Variants in SPATA22 observed in about 807,000 individuals in gnomAD.
SPATA22 encodes spermatogenesis associated 22.
A neutral mutation model predicts 47.8 loss-of-function variants in SPATA22; 29 were observed. The ratio of observed to expected loss-of-function variants is 0.61; its 90% CI spans 0.45 to 0.83. SPATA22 has a LOEUF of 0.83. Ranked by LOEUF, SPATA22 falls within the 40% of genes least tolerant of loss-of-function variation. SPATA22 has a pLI of 0.00. For missense variants in SPATA22, 410 were observed against 421.7 expected, an observed-to-expected ratio of 0.97 and a Z score of 0.24; for synonymous variants, 133 against 140.9, an observed-to-expected ratio of 0.94 and a Z score of 0.40.
At chr17:3,472,482 C>A (rs113336267), upstream of SPATA22, 1,206 of 152,470 alleles carry the variant, frequency 7.9e-3, 6 homozygotes, top group Non-Finnish European at 0.012. Context: ...TTACTGAACA[C>A]CCTCTGGACC....
chr17:3,504,336 C>T (rs2074021574), intron 1 of SPATA22, among the ~76,000 whole-genome samples: 2 of 152,060 alleles, frequency 1.3e-5, no homozygotes, highest in Admixed American at 6.6e-5. Flanking sequence ...CTCAAACATC[C>T]CTTCTCTACT....
intron 5 of SPATA22, among the ~76,000 whole-genome samples, chr17:3,454,428 T>C (rs2072937163): frequency 6.6e-6 from 1 of 152,092 alleles, no homozygotes; most frequent in Non-Finnish European, 1.5e-5. Flanking sequence ...TAGGTATATC[T>C]CCTAATGCTA....
At chr17:3,502,021 C>T (rs1297021622) in intron 1 of SPATA22, 1 of 151,986 alleles carries the variant, frequency 6.6e-6, no homozygotes, top group Non-Finnish European at 1.5e-5. Flanking sequence ...TTTCATGCTA[C>T]AGAGAAATCT....
At chr17:3,494,564 C>T in intron 1 of SPATA22, 1 of 922,590 alleles carries the variant, frequency 1.1e-6, no homozygotes, top group East Asian at 2.5e-5. Context: ...CCATTTGATG[C>T]TCTCATTAGA....
At chr17:3,477,743 C>A (rs562267301) in intron 1 of SPATA22, among the ~76,000 whole-genome samples, 6 of 152,202 alleles carry the variant, frequency 3.9e-5, no homozygotes, top group African/African-American at 1.4e-4. Flanking sequence ...CATGAGCCAC[C>A]GCGCTGGGCC....
intron 5 of SPATA22, among the ~76,000 whole-genome samples, chr17:3,458,734 G>A (rs913943388): frequency 6.6e-6 from 1 of 151,596 alleles, no homozygotes; most frequent in Non-Finnish European, 1.5e-5. Context: ...CCAGTTACTC[G>A]AGAGGCTGAG....
chr17:3,477,867 G>C (rs374179184), intron 1 of SPATA22, among the ~76,000 whole-genome samples: 2 of 152,202 alleles, frequency 1.3e-5, no homozygotes, highest in African/African-American at 2.4e-5. Flanking sequence ...CCCTCAAGGA[G>C]TTGGTAGACT....
At chr17:3,475,702 C>T (rs543807642), upstream of SPATA22, 11 of 179,384 alleles carry the variant, frequency 6.1e-5, no homozygotes, top group South Asian at 1.1e-3. Context: ...TTGAAATGCC[C>T]GTGGAAATAC....
intron 5 of SPATA22, among the ~76,000 whole-genome samples, chr17:3,452,569 A>C (rs1396465823): frequency 6.6e-6 from 1 of 152,106 alleles, no homozygotes; most frequent in Non-Finnish European, 1.5e-5. Flanking sequence ...CCAGCCTGGC[A>C]ACAGAGTGAG....
rs1006784102 is a variant in SPATA22 at position 3,455,209 on chromosome 17, G to A, written c.330-6060C>T. Among the ~76,000 whole-genome samples the A allele has an allele frequency of 3.3e-4, 50 of 152,108 alleles. 1 individual carries two copies. The Middle Eastern group carries it at 0.017, about 52-fold the overall frequency. ...TCTGGATATTAGCCCTTTGTCAGAT[G>A]AGCAGGTTGCGAAAATTTTCTCCCA... On this transcript the variant is annotated intron_variant, in intron 5 of 8. Coordinates refer to ENST00000572969, the MANE Select transcript of SPATA22 (RefSeq NM_001170698.2).
At chr17:3,442,889 A>G (rs527645791) in intron 8 of SPATA22, among the ~76,000 whole-genome samples, 1 of 152,038 alleles carries the variant, frequency 6.6e-6, no homozygotes, top group Admixed American at 6.6e-5. Flanking sequence ...GCCATTCACC[A>G]TATCACAGTG....
At chr17:3,464,329 A>G (rs1354225356) in intron 3 of SPATA22, among the ~76,000 whole-genome samples, 6 of 151,316 alleles carry the variant, frequency 4.0e-5, no homozygotes, top group Admixed American at 3.9e-4. Context: ...TCGGCTCGCT[A>G]CAACCTCCAC....
intron 2 of SPATA22, 104 bp from the exon 3 acceptor site, chr17:3,467,658 A>G (rs1348654907): frequency 3.9e-6 from 3 of 778,368 alleles, no homozygotes; most frequent in African/African-American, 3.6e-5. Flanking sequence ...ATCTACTTCT[A>G]TATGCTAATA....
intron 3 of SPATA22, among the ~76,000 whole-genome samples, chr17:3,464,549 G>A (rs148500229): frequency 0.2 from 27,292 of 133,214 alleles, 3,292 homozygotes; most frequent in Middle Eastern, 0.34. Context: ...GCCTCTTCCC[G>A]GCCGCCATCC....
At chr17:3,440,610 G>C (rs560651754) in intron 8 of SPATA22, 1 of 251,160 alleles carries the variant, frequency 4.0e-6, no homozygotes, top group Non-Finnish European at 7.6e-6. Flanking sequence ...AATGACACAT[G>C]AAATTACCCA....
chr17:3,462,918 C>A, intron 3 of SPATA22, 151 bp from the exon 4 acceptor site: 1 of 627,272 alleles, frequency 1.6e-6, no homozygotes. Context: ...GTTGGAAAAC[C>A]TGTCACAGCC....
intron 2 of SPATA22, 151 bp from the exon 3 acceptor site, chr17:3,467,705 C>A (rs1038951778): frequency 4.7e-6 from 3 of 632,516 alleles, no homozygotes; most frequent in Non-Finnish European, 6.9e-6. Flanking sequence ...ATGATTTTTA[C>A]ATTCTTTTTA....
At chr17:3,493,517 C>T (rs751017243) in intron 1 of SPATA22, among the ~76,000 whole-genome samples, 3 of 141,450 alleles carry the variant, frequency 2.1e-5, no homozygotes, top group Admixed American at 7.6e-5. Flanking sequence ...GCCAAGACCA[C>T]GCCACTGCAC....
intron 1 of SPATA22, among the ~76,000 whole-genome samples, chr17:3,479,326 A>G (rs1489516407): frequency 6.6e-6 from 1 of 152,242 alleles, no homozygotes; most frequent in East Asian, 1.9e-4. Context: ...CAAATGCGGA[A>G]GAATGATATA....
Sources: gnomAD v4.1 joint callset for allele counts (sites outside exome capture counted in the v4.1 genomes callset) on GRCh38, gnomAD v4.1.1 for gene constraint, MANE v1.5 for transcripts, NCBI Gene and HGNC (gene_info 2026-07-23, HGNC 2026-07-21) for gene names.